CHCHD6: variants seen among roughly 807,000 people sequenced by gnomAD.
CHCHD6 encodes the protein coiled-coil-helix-coiled-coil-helix domain containing 6, also known as MICOS complex subunit MIC25.
In CHCHD6, 28 loss-of-function variants were observed where a neutral mutation model predicts 32.3. The observed-to-expected ratio is 0.87, with a 90% CI of 0.64 to 1.19. The LOEUF (loss-of-function observed/expected upper bound fraction) is 1.19, where lower values mean the gene tolerates loss of function less well. Among genes scored for constraint, CHCHD6 ranks in the 50% most tolerant of loss-of-function variants. The pLI is 0.00. For missense variants in CHCHD6, 333 were observed against 307.0 expected, an observed-to-expected ratio of 1.08 and a Z score of -0.63; for synonymous variants, 122 against 117.5, an observed-to-expected ratio of 1.04 and a Z score of -0.25.
At chr3:126,805,899 A>G (rs1318504931) in intron 4 of CHCHD6, among the ~76,000 whole-genome samples, 1 of 152,234 alleles carries the variant, frequency 6.6e-6, no homozygotes, top group Admixed American at 6.5e-5. Context: ...ATAATGCCAC[A>G]TATCTACAAC....
At chr3:126,852,003 C>A (rs1021141669) in intron 4 of CHCHD6, among the ~76,000 whole-genome samples, 7 of 152,214 alleles carry the variant, frequency 4.6e-5, no homozygotes, top group African/African-American at 1.7e-4. Context: ...GGGCCCTTGG[C>A]CCTGTGCTCC....
intron 4 of CHCHD6, among the ~76,000 whole-genome samples, chr3:126,776,615 G>A (rs1434368445): frequency 6.6e-6 from 1 of 152,096 alleles, no homozygotes; most frequent in East Asian, 1.9e-4. Flanking sequence ...ACAAATATTT[G>A]TCAAATATTG....
chr3:126,937,900 C>T (rs985222451), intron 6 of CHCHD6, among the ~76,000 whole-genome samples: 1 of 152,134 alleles, frequency 6.6e-6, no homozygotes, highest in Non-Finnish European at 1.5e-5. Flanking sequence ...ACTGCTGGTT[C>T]CCAGGCCCAG....
chr3:126,739,861 A>G (rs188545081), intron 4 of CHCHD6, among the ~76,000 whole-genome samples: 6 of 151,862 alleles, frequency 4.0e-5, no homozygotes, highest in East Asian at 1.9e-4. Context: ...TCTGTTGACT[A>G]TTTTCTCTCT....
rs116824975 is a variant in CHCHD6 at position 126,766,541 on chromosome 3, C to T, written c.411+33319C>T. On this transcript the variant is annotated intron_variant, in intron 4 of 7. Coordinates refer to ENST00000290913, the MANE Select transcript of CHCHD6 (RefSeq NM_032343.3). ...GAGTGTGAGTAGCCCATGGTGACCT[C>T]TGAGAAAATGCCATCCAGAGTCTTC... 1.8e-3 allele frequency: 1,888 copies of T among 1,021,506 alleles called. 20 individuals carry two copies. In the African/African-American group the frequency reaches 0.025, roughly 13 times the overall value. The allele number at this position is 1,021,506 out of a possible 1,614,324, so 63.3% of individuals were successfully genotyped here. A position where few individuals can be genotyped will look rare whatever the true frequency, so the allele number is the denominator to read the frequency against.
chr3:126,730,507 C>G, intron 2 of CHCHD6, 54 bp from the exon 3 acceptor site: 1 of 1,505,592 alleles, frequency 6.6e-7, no homozygotes, highest in South Asian at 1.2e-5. Context: ...ACCTCTGTGA[C>G]TTCGTGGACC....
chr3:126,794,295 A>G (rs1465331292), intron 4 of CHCHD6, among the ~76,000 whole-genome samples: 1 of 147,926 alleles, frequency 6.8e-6, no homozygotes, highest in African/African-American at 2.5e-5. Flanking sequence ...GTTTGTATAT[A>G]TTTATATATA....
At chr3:126,789,808 C>T (rs1340240773) in intron 4 of CHCHD6, among the ~76,000 whole-genome samples, 1 of 152,134 alleles carries the variant, frequency 6.6e-6, no homozygotes, top group Non-Finnish European at 1.5e-5. Flanking sequence ...TTAATTGGAA[C>T]ATTTAGCCCA....
chr3:126,781,044 A>G (rs568805441), intron 4 of CHCHD6, among the ~76,000 whole-genome samples: 4 of 152,194 alleles, frequency 2.6e-5, no homozygotes, highest in African/African-American at 9.6e-5. Context: ...TCTCAGACCC[A>G]CCACTGTAAA....
intron 5 of CHCHD6, among the ~76,000 whole-genome samples, chr3:126,861,649 A>C (rs1576509276): frequency 3.6e-5 from 5 of 137,924 alleles, no homozygotes; most frequent in Admixed American, 7.2e-5. Context: ...TACCATCACC[A>C]CCTCCCCCTC....
chr3:126,733,286 G>A (rs1935895508), intron 4 of CHCHD6, 64 bp downstream of exon 4: 12 of 1,504,934 alleles, frequency 8.0e-6, no homozygotes, highest in African/African-American at 2.8e-5. Flanking sequence ...AATAGGGGGC[G>A]GGCCCTGGCA....
At chr3:126,807,846 A>C (rs956624123) in intron 4 of CHCHD6, among the ~76,000 whole-genome samples, 1 of 152,200 alleles carries the variant, frequency 6.6e-6, no homozygotes, top group Non-Finnish European at 1.5e-5. Context: ...ACTTTTTCAT[A>C]GTAGTCTTAC....
chr3:126,955,255 C>T (rs1299289185), intron 6 of CHCHD6, among the ~76,000 whole-genome samples: 1 of 152,268 alleles, frequency 6.6e-6, no homozygotes, highest in Admixed American at 6.5e-5. Context: ...TGTATTCTTG[C>T]CCCAGCCGCC....
chr3:126,894,554 T>G (rs995788439), intron 5 of CHCHD6, among the ~76,000 whole-genome samples: 1 of 152,182 alleles, frequency 6.6e-6, no homozygotes, highest in African/African-American at 2.4e-5. Flanking sequence ...TAGTTGCTTC[T>G]CAGGGGCAGG....
chr3:126,808,532 A>G (rs1321357506), intron 4 of CHCHD6, among the ~76,000 whole-genome samples: 1 of 152,210 alleles, frequency 6.6e-6, no homozygotes, highest in Non-Finnish European at 1.5e-5. Flanking sequence ...GTTTCTTGCC[A>G]TGAGCTTTAT....
intron 4 of CHCHD6, among the ~76,000 whole-genome samples, chr3:126,842,291 T>G (rs990383175): frequency 6.6e-6 from 1 of 152,174 alleles, no homozygotes; most frequent in African/African-American, 2.4e-5. Flanking sequence ...CCAAAGAATC[T>G]TGGGCCCAAT....
rs1329949152 is a variant in CHCHD6 at position 126,830,479 on chromosome 3, A to G, written c.412-22168A>G. Among the ~76,000 whole-genome samples, 74 of 152,066 alleles carry G rather than the reference A, an allele frequency of 4.9e-4. 1 individual carries two copies. The highest frequency in any genetic ancestry group is 1.5e-5 in the Non-Finnish European group (1 of 68,002). On this transcript the variant is annotated intron_variant, in intron 4 of 7. Coordinates refer to ENST00000290913, the MANE Select transcript of CHCHD6 (RefSeq NM_032343.3). ...TCCTCCTGGGTGCCTCTTGCTGGAG[A>G]CCTCAGGTGCCCTGTGGGCAGCACG...
chr3:126,830,883 C>A (rs572846284), intron 4 of CHCHD6, among the ~76,000 whole-genome samples: 1 of 152,300 alleles, frequency 6.6e-6, no homozygotes, highest in South Asian at 2.1e-4. Context: ...TGGCCTCATT[C>A]CCTGTCACTC....
chr3:126,789,113 TC>T (rs2107684807), intron 4 of CHCHD6, among the ~76,000 whole-genome samples: 1 of 152,364 alleles, frequency 6.6e-6, no homozygotes, highest in East Asian at 1.9e-4. Flanking sequence ...TTGTTCAGTT[TC>T]CATATAGTTG....
Sources: gnomAD v4.1 joint callset for allele counts (sites outside exome capture counted in the v4.1 genomes callset) on GRCh38, gnomAD v4.1.1 for gene constraint, MANE v1.5 for transcripts, NCBI Gene and HGNC (gene_info 2026-07-23, HGNC 2026-07-21) for gene names.